Variants in USP39 observed in about 807,000 individuals in gnomAD.
USP39 encodes ubiquitin carboxyl-terminal hydrolase 39.
USP39 carries 38 observed loss-of-function variants against 66.4 expected under a neutral mutation model. The ratio of observed to expected loss-of-function variants is 0.57; its 90% CI spans 0.44 to 0.75. The LOEUF is 0.75. Ranked by LOEUF, USP39 falls within the 30% of genes least tolerant of loss-of-function variation. The probability of loss-of-function intolerance (pLI) is 0.00; values close to 1 mark genes in which losing one functional copy is unlikely to be tolerated. For synonymous variants in USP39, 303 were observed against 274.6 expected (o/e 1.10, Z -1.02); for missense variants, 608 against 714.4 (o/e 0.85, Z 1.70).
chr2:85,630,747 G>A lies in USP39; in HGVS notation c.750G>A (p.Arg250=), dbSNP rs770010859. ...CTCTATCTAATGTTCCTCCTCTCCG[G>A]AACTACTTTCTGGAAGAAGACAATT... The part of the protein sequence containing the change: ...LQALSNVPPL[R]NYFLEEDNYK... Residue 250 remains arginine (R), a synonymous_variant, in exon 6 of 13, where the codon CGG becomes CGA. Coordinates refer to ENST00000323701, the MANE Select transcript of USP39 (RefSeq NM_006590.4). The A allele has an allele frequency of 6.2e-7, 1 of 1,613,978 alleles. No individual in the cohort carries two copies. Among genetic ancestry groups the A allele is most frequent in the African/African-American group, 1.3e-5 (1 of 74,882 alleles).
intron 4 of USP39, 101 bp downstream of exon 4, chr2:85,623,883 C>T: frequency 1.3e-5 from 17 of 1,333,338 alleles, no homozygotes; most frequent in East Asian, 2.6e-5. Context: ...AATCTCAGTC[C>T]CTTTAGGCAT....
intron 10 of USP39, among the ~76,000 whole-genome samples, chr2:85,641,907 TAAAAAA>T (rs759697072): frequency 7.7e-5 from 7 of 91,316 alleles, no homozygotes; most frequent in South Asian, 3.7e-4. Flanking sequence ...GTGACTGTGC[TAAAAAA>T]AAAAAAAAAA....
upstream of USP39, chr2:85,616,027 A>G: frequency 3.2e-6 from 4 of 1,257,832 alleles, no homozygotes; most frequent in Non-Finnish European, 4.0e-6. Context: ...GGGGAGAGGA[A>G]GCCAGTGCAG....
chr2:85,622,004 G>GA (rs1345054918), intron 3 of USP39, among the ~76,000 whole-genome samples: 2 of 152,020 alleles, frequency 1.3e-5, no homozygotes, highest in Non-Finnish European at 1.5e-5. Flanking sequence ...ATTTTTAGTA[G>GA]AAACGGGGTT....
chr2:85,635,780 A>G (rs1310387474), intron 6 of USP39, among the ~76,000 whole-genome samples: 1 of 152,150 alleles, frequency 6.6e-6, no homozygotes, highest in South Asian at 2.1e-4. Flanking sequence ...TTAAAAGGTC[A>G]TATTCATTTG....
upstream of USP39, chr2:85,608,826 AGCAGC>A: frequency 7.2e-7 from 1 of 1,388,366 alleles, no homozygotes. Context: ...CTATGGATGC[AGCAGC>A]TCTGGGGGTC....
At position 85,649,087 on chromosome 2, in the gene USP39, T is replaced by C. The variant is rs1353912853; in HGVS notation, c.*279T>C. 1 of 395,862 alleles carries C rather than the reference T, an allele frequency of 2.5e-6. No homozygotes were observed. Among genetic ancestry groups the C allele is most frequent in the Non-Finnish European group, 4.3e-6 (1 of 232,132 alleles). The allele number at this position is 395,862 out of a possible 1,614,324, so 24.5% of individuals were successfully genotyped here. ...GCAGGGCAGAACCCTTCTCCAGATG[T>C]GTGTAACTTATGTCTTGAGTATCTG... On this transcript the variant is annotated 3_prime_UTR_variant, in exon 13 of 13. Coordinates refer to ENST00000323701, the MANE Select transcript of USP39 (RefSeq NM_006590.4).
chr2:85,634,757 G>T (rs749630683), intron 6 of USP39, among the ~76,000 whole-genome samples: 4 of 152,210 alleles, frequency 2.6e-5, no homozygotes, highest in Non-Finnish European at 5.9e-5. Context: ...AAGAAAGGAA[G>T]AAATTTGTGT....
At chr2:85,619,548 G>A (rs57762218) in intron 2 of USP39, among the ~76,000 whole-genome samples, 11,087 of 149,114 alleles carry the variant, frequency 0.074, 1,395 homozygotes, top group African/African-American at 0.26. Context: ...ACATTGAAAT[G>A]TTTATGGAGT....
intron 6 of USP39, among the ~76,000 whole-genome samples, chr2:85,631,962 G>GGTTTCA (rs11282436): frequency 6.6e-6 from 1 of 151,858 alleles, no homozygotes; most frequent in African/African-American, 2.4e-5. Context: ...TTGGCCAGGT[G>GGTTTCA]AACTCCTGAC....
chr2:85,636,749 G>A (rs1239497258), intron 7 of USP39, among the ~76,000 whole-genome samples: 1 of 152,108 alleles, frequency 6.6e-6, no homozygotes, highest in Non-Finnish European at 1.5e-5. Flanking sequence ...CAGGTGATCT[G>A]CCCAAAGTGC....
At chr2:85,612,290 C>A (rs2104174732), upstream of USP39, 1 of 1,534,860 alleles carries the variant, frequency 6.5e-7, no homozygotes, top group Non-Finnish European at 8.7e-7. Flanking sequence ...ATACCAGAAC[C>A]TTCAGAAAAA....
chr2:85,643,362 C>CGCCT (rs768808947), intron 10 of USP39, among the ~76,000 whole-genome samples: 4 of 151,844 alleles, frequency 2.6e-5, no homozygotes, highest in Non-Finnish European at 5.9e-5. Flanking sequence ...TGGTGGTGGG[C>CGCCT]GCCTGTAGTC....
At chr2:85,609,546 G>A (rs372403057), upstream of USP39, 18 of 1,614,052 alleles carry the variant, frequency 1.1e-5, no homozygotes, top group Non-Finnish European at 1.4e-5. Flanking sequence ...TGCTTTCACC[G>A]GACTCTTCAT....
intron 1 of USP39, among the ~76,000 whole-genome samples, chr2:85,603,432 C>T (rs1269964147): frequency 6.6e-6 from 1 of 152,100 alleles, no homozygotes; most frequent in African/African-American, 2.4e-5. Context: ...TAAGGATTAA[C>T]ATGGCCAGTG....
chr2:85,622,935 G>T (rs1377254050), intron 3 of USP39, among the ~76,000 whole-genome samples: 1 of 152,196 alleles, frequency 6.6e-6, no homozygotes, highest in Non-Finnish European at 1.5e-5. Context: ...AGGAGTCAAG[G>T]TTGACATGTA....
intron 11 of USP39, among the ~76,000 whole-genome samples, chr2:85,647,545 C>T (rs902291858): frequency 6.6e-6 from 1 of 151,590 alleles, no homozygotes; most frequent in Admixed American, 6.6e-5. Flanking sequence ...CCTGTAGTTC[C>T]AGCTACCTGG....
intron 10 of USP39, 72 bp downstream of exon 10, chr2:85,641,190 A>G (rs1676210015): frequency 1.2e-5 from 19 of 1,586,556 alleles, no homozygotes; most frequent in Non-Finnish European, 1.6e-5. Flanking sequence ...TTTTACCAGT[A>G]TTAATTTTGG....
intron 4 of USP39, 115 bp from the exon 5 acceptor site, chr2:85,625,424 G>A: frequency 7.3e-7 from 1 of 1,364,258 alleles, no homozygotes; most frequent in South Asian, 1.2e-5. Context: ...CTATTTTTCT[G>A]TGTGTGGTGG....
Sources: allele counts gnomAD v4.1 joint callset (sites outside exome capture counted in the v4.1 genomes callset), GRCh38; gene constraint gnomAD v4.1.1; transcripts MANE v1.5; gene names NCBI Gene and HGNC (gene_info 2026-07-23, HGNC 2026-07-21).